The following GALNT17 variants were observed in gnomAD, a reference collection of about 807,000 sequenced individuals.
GALNT17 encodes the protein polypeptide N-acetylgalactosaminyltransferase 17.
In GALNT17, 29 loss-of-function variants were observed where a neutral mutation model predicts 63.7. That is an observed-to-expected ratio of 0.46 (90% CI 0.34 to 0.62). The LOEUF is 0.62. Ranked by LOEUF, GALNT17 falls within the 20% of genes least tolerant of loss-of-function variation. The pLI, the probability that GALNT17 is intolerant of heterozygous loss-of-function variation, is 0.01. For missense variants in GALNT17, 603 were observed against 799.6 expected (o/e 0.75, Z 2.97); for synonymous variants, 305 against 318.3 (o/e 0.96, Z 0.45).
chr7:71,499,669 T>G (rs1166239308), intron 5 of GALNT17, among the ~76,000 whole-genome samples: 2 of 152,318 alleles, frequency 1.3e-5, no homozygotes, highest in East Asian at 3.9e-4. Flanking sequence ...CTGCCTGAAA[T>G]GCACTCCCGA....
At chr7:71,387,733 G>A (rs367779572) in intron 2 of GALNT17, among the ~76,000 whole-genome samples, 1 of 152,124 alleles carries the variant, frequency 6.6e-6, no homozygotes, top group African/African-American at 2.4e-5. Context: ...AAGTTGTGCG[G>A]TGTGCCCTGA....
chr7:71,362,233 T>C (rs112383672), intron 2 of GALNT17, among the ~76,000 whole-genome samples: 4,807 of 152,258 alleles, frequency 0.032, 252 homozygotes, highest in African/African-American at 0.11. Context: ...GTTGGGATTA[T>C]AGGCGTGAGC....
intron 1 of GALNT17, among the ~76,000 whole-genome samples, chr7:71,262,460 G>A (rs985875693): frequency 6.6e-6 from 1 of 152,064 alleles, no homozygotes; most frequent in African/African-American, 2.4e-5. Context: ...GCAAATTGGA[G>A]TTGTTCACTT....
At chr7:71,539,200 G>A (rs1208157402) in intron 5 of GALNT17, among the ~76,000 whole-genome samples, 1 of 152,112 alleles carries the variant, frequency 6.6e-6, no homozygotes, top group Non-Finnish European at 1.5e-5. Context: ...CCAAAGTGCT[G>A]GCATTACAGG....
rs1343605899 is a variant in GALNT17 at position 71,346,024 on chromosome 7, A to AT, written c.422+10293dup. Reference sequence around the variant, plus strand: ...ACAGTGAGACCTGTCTCTACTAAAAATTAAAAAAAAAAAAAAAAAAAAGCT... The same window carrying AT: ...ACAGTGAGACCTGTCTCTACTAAAAATTTAAAAAAAAAAAAAAAAAAAAGCT... On this transcript the variant is annotated intron_variant, in intron 2 of 10. Transcript: ENST00000333538. 6.2e-4 allele frequency among the ~76,000 whole-genome samples: 73 copies of AT among 118,184 alleles called. No homozygotes were observed. The South Asian group carries it at 7.3e-3, about 12-fold the overall frequency. 77.5% of individuals were successfully genotyped at this position (118,184 alleles called of 152,430 possible).
chr7:71,425,642 A>T (rs1786746049), intron 5 of GALNT17, among the ~76,000 whole-genome samples: 1 of 152,154 alleles, frequency 6.6e-6, no homozygotes, highest in Non-Finnish European at 1.5e-5. Flanking sequence ...TCTAGACTGC[A>T]TTTGACCACC....
intron 5 of GALNT17, among the ~76,000 whole-genome samples, chr7:71,504,826 T>C (rs1439021186): frequency 1.3e-5 from 2 of 152,124 alleles, no homozygotes; most frequent in Admixed American, 6.6e-5. Flanking sequence ...CCGTCACCTC[T>C]CAATGCTACG....
intron 5 of GALNT17, among the ~76,000 whole-genome samples, chr7:71,459,005 C>G (rs1583973085): frequency 6.6e-6 from 1 of 152,074 alleles, no homozygotes; most frequent in African/African-American, 2.4e-5. Flanking sequence ...GGGAACCGCC[C>G]TCTTCTACCC....
intron 1 of GALNT17, among the ~76,000 whole-genome samples, chr7:71,232,927 C>T (rs1789819561): frequency 6.6e-6 from 1 of 152,074 alleles, no homozygotes; most frequent in Admixed American, 6.6e-5. Flanking sequence ...AAAGTCCAGT[C>T]CCATCTCCTA....
At chr7:71,462,246 C>T (rs1253837368) in intron 5 of GALNT17, among the ~76,000 whole-genome samples, 1 of 152,146 alleles carries the variant, frequency 6.6e-6, no homozygotes, top group Non-Finnish European at 1.5e-5. Flanking sequence ...TTATTCATTC[C>T]TCACCCTCAG....
chr7:71,600,262 G>A lies in GALNT17; in HGVS notation c.1080+28860G>A, dbSNP rs889285931. On this transcript the variant is annotated intron_variant, in intron 6 of 10. Coordinates refer to ENST00000333538, the MANE Select transcript of GALNT17 (RefSeq NM_022479.3). ...AATTAGGGAAGGAAAAAAAAAAAAA[G>A]TCTAAAGGCTCCTGGGCAGGAATAG... is the stretch of plus-strand genomic sequence containing the variant. Among the ~76,000 whole-genome samples, 115 of 144,048 alleles carry A rather than the reference G, an allele frequency of 8.0e-4. 1 individual carries two copies. The highest frequency in any genetic ancestry group is 3.1e-3 in the African/African-American group (112 of 36,386). The allele number at this position is 144,048 out of a possible 152,430, so 94.5% of individuals were successfully genotyped here.
chr7:71,494,796 C>T (rs372693435), intron 5 of GALNT17, among the ~76,000 whole-genome samples: 1 of 152,184 alleles, frequency 6.6e-6, no homozygotes, highest in Non-Finnish European at 1.5e-5. Flanking sequence ...GGAGGCCTCA[C>T]AATCACGGCT....
At chr7:71,366,535 C>T (rs1018503896) in intron 2 of GALNT17, among the ~76,000 whole-genome samples, 3 of 152,052 alleles carry the variant, frequency 2.0e-5, no homozygotes, top group Non-Finnish European at 4.4e-5. Context: ...GAGCTGAGAT[C>T]GTGCCATTGC....
Position 71,335,588 on chromosome 7 carries a change from G to A in GALNT17, c.277G>A (p.Gly93Arg). 1 of 1,610,980 alleles carries A rather than the reference G, an allele frequency of 6.2e-7. No homozygotes were observed. The highest frequency in any genetic ancestry group is 1.3e-5 in the African/African-American group (1 of 74,840). The change falls in exon 2 of 11, where the codon GGG becomes AGG. Residue 93 changes from glycine to arginine, a missense_variant. Gly to Arg is a moderately radical substitution (Grantham distance 125). This residue lies in a region of GALNT17 where 195 missense variants were observed against 215.0 expected (regional missense o/e 0.91). Coordinates refer to ENST00000333538, the MANE Select transcript of GALNT17 (RefSeq NM_022479.3). ...CCTTGGGCTCATTGAAGGTTATGGT[G>A]GGCGGGGTAAAGGGGGCCTTCCGGC... The part of the protein sequence containing the change: ...KSLGLIEGYG[G>R]RGKGGLPATL...
At chr7:71,137,682 C>T (rs1366808553) in intron 1 of GALNT17, among the ~76,000 whole-genome samples, 1 of 152,174 alleles carries the variant, frequency 6.6e-6, no homozygotes, top group Non-Finnish European at 1.5e-5. Context: ...TTGCCTCCGC[C>T]ATCTTGAGGC....
intron 5 of GALNT17, among the ~76,000 whole-genome samples, chr7:71,464,722 T>G (rs534775763): frequency 6.6e-6 from 1 of 152,224 alleles, no homozygotes; most frequent in South Asian, 2.1e-4. Flanking sequence ...GTGGACAGGA[T>G]CAAGACTCCA....
At chr7:71,615,744 C>T (rs577681848) in intron 6 of GALNT17, among the ~76,000 whole-genome samples, 8 of 152,150 alleles carry the variant, frequency 5.3e-5, no homozygotes, top group Non-Finnish European at 1.0e-4. Flanking sequence ...TCCCAAAGTG[C>T]TGGGATTACA....
In GALNT17 at chr7:71,275,207, T is replaced by A. The variant is rs1790661445; in HGVS notation, c.239-60343T>A. Among the ~76,000 whole-genome samples, 4 of 152,116 alleles carry A rather than the reference T, an allele frequency of 2.6e-5. No homozygotes were observed. In the South Asian group the frequency reaches 8.3e-4, roughly 32 times the overall value. On this transcript the variant is annotated intron_variant, in intron 1 of 10. Transcript: ENST00000333538. ...AATCCTTCCCTTATAACAAAGATTC[T>A]CAGAGTCAGAAGTTGCAGGGGGGTC...
chr7:71,599,371 G>A (rs1414571263), intron 6 of GALNT17, among the ~76,000 whole-genome samples: 1 of 152,188 alleles, frequency 6.6e-6, no homozygotes, highest in Admixed American at 6.5e-5. Flanking sequence ...GAGGATGACT[G>A]CTTGGGCAAA....
Sources: gnomAD v4.1 joint callset for allele counts (sites outside exome capture counted in the v4.1 genomes callset) on GRCh38, gnomAD v4.1.1 for gene constraint, gnomAD v4.1.1 regional missense constraint, MANE v1.5 for transcripts, NCBI Gene and HGNC (gene_info 2026-07-23, HGNC 2026-07-21) for gene names.